The following CYP4X1 variants were observed in gnomAD, a reference collection of about 807,000 sequenced individuals.
The protein encoded by CYP4X1 is cytochrome P450 family 4 subfamily X member 1.
A neutral mutation model predicts 57.9 loss-of-function variants in CYP4X1; 44 were observed. The ratio of observed to expected loss-of-function variants is 0.76; its 90% confidence interval spans 0.60 to 0.98. The LOEUF is 0.98. CYP4X1 is among the 50% of genes least tolerant of loss of function. CYP4X1 has a pLI of 0.00. For missense variants in CYP4X1, 532 were observed against 623.9 expected, an observed-to-expected ratio of 0.85 and a Z score of 1.57; for synonymous variants, 227 against 228.6, an observed-to-expected ratio of 0.99 and a Z score of 0.06.
At chr1:47,024,021 G>C in intron 1 of CYP4X1, 27 bp downstream of exon 1, 1 of 1,599,428 alleles carries the variant, frequency 6.3e-7, no homozygotes, top group South Asian at 1.1e-5. Context: ...AGGGAGGAAG[G>C]AGGAGGGAGG....
At chr1:47,010,450 T>C in the CYP4X1 span, among the ~76,000 whole-genome samples, 2 of 152,108 alleles carry the variant, frequency 1.3e-5, no homozygotes, top group East Asian at 3.9e-4. Context: ...CCACAGCCAA[T>C]ATCATACTGA....
rs765453644 is a variant in CYP4X1 at position 47,050,061 on chromosome 1, C to T, written c.1417C>T (p.Leu473Phe). Residue 473 changes from leucine to phenylalanine, a missense_variant, in exon 12 of 12, where the codon CTC becomes TTC. By Grantham distance (22) the Leu-to-Phe change is conservative. Transcript: ENST00000371901. ...ELKVTIALILLHFRVTPDPTR... is the reference protein window; with the variant it reads ...ELKVTIALILFHFRVTPDPTR... ...AAAGGTAACCATTGCCTTGATTCTG[C>T]TCCACTTCAGAGTGACTCCAGACCC... The T allele has an allele frequency of 6.2e-7, 1 of 1,614,044 alleles. No individual in the cohort carries two copies. The highest frequency in any genetic ancestry group is 8.5e-7 in the Non-Finnish European group (1 of 1,179,996).
At chr1:46,978,195 G>C in the CYP4X1 span, among the ~76,000 whole-genome samples, 1 of 151,884 alleles carries the variant, frequency 6.6e-6, no homozygotes, top group Non-Finnish European at 1.5e-5. Context: ...TGGATAAAGA[G>C]TCAAGACCCA....
chr1:46,989,594 ACAAT>A, the CYP4X1 span, among the ~76,000 whole-genome samples: 2 of 152,320 alleles, frequency 1.3e-5, no homozygotes, highest in Middle Eastern at 6.8e-3. Context: ...CATAGACAAG[ACAAT>A]CATAAGCAAA....
chr1:47,053,008 G>A (rs1644369061), downstream of CYP4X1, among the ~76,000 whole-genome samples: 2 of 152,064 alleles, frequency 1.3e-5, no homozygotes, highest in Non-Finnish European at 2.9e-5. Flanking sequence ...ATGTTGGTGT[G>A]CTGCACCCAT....
At chr1:46,969,436 G>A in the CYP4X1 span, among the ~76,000 whole-genome samples, 2,649 of 152,184 alleles carry the variant, frequency 0.017, 59 homozygotes, top group African/African-American at 0.06. Context: ...CAAACCAATT[G>A]GCAGCCAATA....
chr1:47,025,127 T>G (rs957238077), intron 1 of CYP4X1, among the ~76,000 whole-genome samples: 2 of 152,178 alleles, frequency 1.3e-5, no homozygotes, highest in African/African-American at 4.8e-5. Flanking sequence ...GGATCCCTCA[T>G]GAATGTCTTG....
chr1:47,008,022 TC>T, the CYP4X1 span, among the ~76,000 whole-genome samples: 39 of 152,222 alleles, frequency 2.6e-4, no homozygotes, highest in African/African-American at 8.9e-4. Flanking sequence ...CAGGAGAACT[TC>T]CCCAATCTAG....
the CYP4X1 span, among the ~76,000 whole-genome samples, chr1:46,988,420 G>A: frequency 2.6e-5 from 4 of 152,024 alleles, no homozygotes; most frequent in Admixed American, 1.3e-4. Flanking sequence ...AAAAGTCCAG[G>A]ACAAGATGGA....
At chr1:46,984,376 T>TAA in the CYP4X1 span, among the ~76,000 whole-genome samples, 1 of 118,592 alleles carries the variant, frequency 8.4e-6, no homozygotes, top group African/African-American at 3.2e-5. Context: ...GCTCTGCCTT[T>TAA]AAAAAAAAAA....
chr1:47,023,553 G>C, upstream of CYP4X1: 1 of 1,218,406 alleles, frequency 8.2e-7, no homozygotes, highest in Non-Finnish European at 1.0e-6. Context: ...CTTAAAAGAG[G>C]ACGCTCCAGG....
the CYP4X1 span, among the ~76,000 whole-genome samples, chr1:46,963,609 G>A: frequency 6.6e-6 from 1 of 152,234 alleles, no homozygotes; most frequent in Non-Finnish European, 1.5e-5. Flanking sequence ...TGTGCCGAGA[G>A]ATCAGCTGTT....
At chr1:47,014,026 C>T in the CYP4X1 span, among the ~76,000 whole-genome samples, 1 of 152,060 alleles carries the variant, frequency 6.6e-6, no homozygotes, top group Non-Finnish European at 1.5e-5. Context: ...CTGCCCACCT[C>T]GGCCTCCGAA....
At chr1:47,047,991 C>T (rs1644320423) in intron 9 of CYP4X1, among the ~76,000 whole-genome samples, 2 of 151,874 alleles carry the variant, frequency 1.3e-5, no homozygotes, top group African/African-American at 4.8e-5. Flanking sequence ...GCATATAATC[C>T]CAATATTTTG....
chr1:47,031,686 C>T (rs1245986711), intron 3 of CYP4X1, among the ~76,000 whole-genome samples: 1 of 152,154 alleles, frequency 6.6e-6, no homozygotes. Context: ...TCATCCGTTT[C>T]TCTCCCACAA....
intron 1 of CYP4X1, 97 bp downstream of exon 1, chr1:47,024,091 C>T: frequency 7.0e-7 from 1 of 1,428,054 alleles, no homozygotes; most frequent in Non-Finnish European, 9.4e-7. Flanking sequence ...TTCTTCCATC[C>T]CTGGGGACCC....
intron 3 of CYP4X1, among the ~76,000 whole-genome samples, chr1:47,032,388 A>C (rs1457826668): frequency 6.6e-6 from 1 of 152,150 alleles, no homozygotes; most frequent in Non-Finnish European, 1.5e-5. Context: ...TCCCTATCTC[A>C]GTTTCCTCAT....
the CYP4X1 span, among the ~76,000 whole-genome samples, chr1:46,976,163 G>T: frequency 0.019 from 2,915 of 152,258 alleles, 56 homozygotes; most frequent in Non-Finnish European, 0.032. Context: ...CCTGGGAAGT[G>T]CAAGGGGTCT....
chr1:47,013,000 C>T, the CYP4X1 span, among the ~76,000 whole-genome samples: 1 of 152,066 alleles, frequency 6.6e-6, no homozygotes, highest in South Asian at 2.1e-4. Flanking sequence ...TGTATCAGCA[C>T]ATAAATAAGT....
Sources: allele counts gnomAD v4.1 joint callset (sites outside exome capture counted in the v4.1 genomes callset), GRCh38; gene constraint gnomAD v4.1.1; transcripts MANE v1.5; gene names NCBI Gene and HGNC (gene_info 2026-07-23, HGNC 2026-07-21).